The following MRC2 variants were observed in gnomAD, a reference collection of about 807,000 sequenced individuals.
MRC2 encodes the protein mannose receptor C-type 2.
A neutral mutation model predicts 206.2 loss-of-function variants in MRC2; 84 were observed. The observed-to-expected ratio is 0.41, with a 90% CI of 0.34 to 0.49. The LOEUF (loss-of-function observed/expected upper bound fraction) is 0.49, where lower values mean the gene tolerates loss of function less well. Among genes scored for constraint, MRC2 ranks in the 20% least tolerant of loss-of-function variants. The probability of loss-of-function intolerance (pLI) is 0.31; values close to 1 mark genes in which losing one functional copy is unlikely to be tolerated. For missense variants in MRC2, 1,676 were observed against 2,001.5 expected (o/e 0.84, Z 3.10); for synonymous variants, 798 against 800.0 (o/e 1.00, Z 0.04).
Position 62,692,740 on chromosome 17 carries a change from G to C in MRC2, c.*289G>C, listed in dbSNP as rs936132340. 1 of 390,612 alleles carries C rather than the reference G, an allele frequency of 2.6e-6. No individual in the cohort carries two copies. The highest frequency in any genetic ancestry group is 2.0e-5 in the African/African-American group (1 of 49,652). The allele number at this position is 390,612 out of a possible 1,614,324, so 24.2% of individuals were successfully genotyped here. On this transcript the variant is annotated 3_prime_UTR_variant, in exon 30 of 30. Transcript: ENST00000303375. This position sits in a 1 kb window ranked among gnomAD's most constrained non-coding sequence, Gnocchi z 4.2. The stretch of plus-strand genomic sequence containing the variant: ...CAGGAACCAGAGGTAGGATGGGAGG[G>C]GGAACGAGAGCCTCTTTCTCCCCAG...
Position 62,671,744 on chromosome 17 carries a change from G to C in MRC2, c.1213G>C (p.Glu405Gln), listed in dbSNP as rs374352748. Residue 405 changes from glutamate (E) to glutamine (Q), a missense_variant, in exon 7 of 30, where the codon GAG becomes CAG. Physicochemically the swap from Glu to Gln is conservative, Grantham distance 29. Coordinates refer to ENST00000303375, the MANE Select transcript of MRC2 (RefSeq NM_006039.5). This position sits in a 1 kb window ranked among gnomAD's most constrained non-coding sequence, Gnocchi z 4.5. ...GCAGGCCGAGAAGCGCAGCTGGCAG[G>C]AGTCCAAGAAGGCATGTCTACGGGG... Reference protein sequence around the residue: ...RLQAEKRSWQESKKACLRGGG... With the variant: ...RLQAEKRSWQQSKKACLRGGG... 1.2e-6 allele frequency: 2 copies of C among 1,613,386 alleles called. No homozygotes were observed. The highest frequency in any genetic ancestry group is 1.7e-6 in the Non-Finnish European group (2 of 1,179,720).
chr17:62,682,333 G>A lies in MRC2; in HGVS notation c.2902G>A (p.Ala968Thr). 2 of 1,607,100 alleles carry A rather than the reference G, an allele frequency of 1.2e-6. No individual in the cohort carries two copies. Among genetic ancestry groups the A allele is most frequent in the Non-Finnish European group, 1.7e-6 (2 of 1,177,256 alleles). The change falls in exon 20 of 30, where the codon GCC becomes ACC. Residue 968 changes from alanine (A) to threonine (T), a missense_variant. Physicochemically the swap from Ala to Thr is moderately conservative, Grantham distance 58. Around this residue, in one of 3 missense-constraint regions of MRC2, gnomAD observed 1,354 missense variants for 1,636.6 expected, o/e 0.83. Transcript: ENST00000303375. ...GCAGCCCCCAGACCTGCCAACTACA[G>A]CCCTGGGGGGCTGCCCCTCTGACTG... ...ETQPPDLPTTALGGCPSDWIQ... is the reference protein window; with the variant it reads ...ETQPPDLPTTTLGGCPSDWIQ...
In MRC2 at chr17:62,666,904, AG is replaced by A. The variant is rs2088764154; in HGVS notation, c.973+38del. The A allele has an allele frequency of 1.3e-6, 2 of 1,579,352 alleles. No homozygotes were observed. The highest frequency in any genetic ancestry group is 1.7e-6 in the Non-Finnish European group (2 of 1,150,484). ...CAAGGTTGGGGGCGCAGGGCAGCAT[AG>A]GGGCCCCGCGGGCTCTTGGCCTCCC... On this transcript the variant is annotated intron_variant, in intron 5 of 29. Transcript: ENST00000303375. The surrounding 1 kb of genome is among the most constrained non-coding windows in gnomAD (Gnocchi z 5.0).
At chr17:62,678,155 G>A (rs1231877534) in intron 12 of MRC2, among the ~76,000 whole-genome samples, 3 of 152,332 alleles carry the variant, frequency 2.0e-5, no homozygotes, top group South Asian at 2.1e-4. Flanking sequence ...TTTTAATCAC[G>A]CTAGGTTTGG....
chr17:62,682,678 G>GTGAAGGAGTT (rs1258923958), intron 20 of MRC2, among the ~76,000 whole-genome samples: 12 of 141,158 alleles, frequency 8.5e-5, no homozygotes, highest in Admixed American at 8.1e-4. Flanking sequence ...TTTCACTCTT[G>GTGAAGGAGTT]TCACCCAGGC....
At position 62,691,079 on chromosome 17, in the gene MRC2, C is replaced by T. The variant is rs775401467; in HGVS notation, c.4143C>T (p.Pro1381=). 28 of 1,609,656 alleles carry T rather than the reference C, an allele frequency of 1.7e-5. No individual in the cohort carries two copies. Among genetic ancestry groups the T allele is most frequent in the South Asian group, 3.3e-5 (3 of 90,490 alleles). Residue 1381 remains proline (P), a synonymous_variant, in exon 28 of 30, where the codon CCC becomes CCT. Transcript: ENST00000303375. Reference sequence around the variant, plus strand: ...AGAGCAACAGCGGGCTATGGCGCCCCGGCGCTTGCACCAACATCACCATGG... The same window carrying T: ...AGAGCAACAGCGGGCTATGGCGCCCTGGCGCTTGCACCAACATCACCATGG... ...WIQSNSGLWR[P]GACTNITMGV...
chr17:62,664,620 T>C lies in MRC2; in HGVS notation c.191T>C (p.Val64Ala). The change falls in exon 2 of 30, where the codon GTC becomes GCC. Residue 64 changes from valine to alanine, a missense_variant. Val to Ala is a moderately conservative substitution (Grantham distance 64). Around this residue, in one of 3 missense-constraint regions of MRC2, gnomAD observed 318 missense variants for 346.7 expected, o/e 0.92. Transcript: ENST00000303375. The surrounding 1 kb of genome is among the most constrained non-coding windows in gnomAD (Gnocchi z 4.7). ...GAGGCCCAGGGCGGGCAGGTCAGAGTCACCCCGGCTTGCAATACCAGCCTC... is the reference window on the plus strand; with the variant it reads ...GAGGCCCAGGGCGGGCAGGTCAGAGCCACCCCGGCTTGCAATACCAGCCTC... Reference protein sequence around the residue: ...CLEAQGGQVRVTPACNTSLPA... With the variant: ...CLEAQGGQVRATPACNTSLPA... The C allele has an allele frequency of 6.2e-7, 1 of 1,613,334 alleles. No individual in the cohort carries two copies.
intron 1 of MRC2, among the ~76,000 whole-genome samples, chr17:62,634,697 T>C (rs979969489): frequency 2.6e-5 from 4 of 152,212 alleles, no homozygotes; most frequent in African/African-American, 9.6e-5. Flanking sequence ...CTGTGTCTTG[T>C]GTTGACCTCC....
In MRC2 at chr17:62,680,147, T is replaced by C. The variant is rs2088944586; in HGVS notation, c.2299-23T>C. The C allele has an allele frequency of 2.5e-6, 4 of 1,613,796 alleles. No homozygotes were observed. Among genetic ancestry groups the C allele is most frequent in the Middle Eastern group, 1.6e-4 (1 of 6,074 alleles). On this transcript the variant is annotated intron_variant, in intron 14 of 29. Transcript: ENST00000303375. This position sits in a 1 kb window ranked among gnomAD's most constrained non-coding sequence, Gnocchi z 4.8. ...CTGCACCTTGCGCCTCACGTTCCTC[T>C]TCCCTCCACCCGCCTCCTCCAGTTC...
At chr17:62,643,359 G>T (rs1382225008) in intron 1 of MRC2, among the ~76,000 whole-genome samples, 1 of 143,794 alleles carries the variant, frequency 7.0e-6, no homozygotes, top group Non-Finnish European at 1.5e-5. Context: ...AAAAAGAAAA[G>T]AAAAAAGAAA....
chr17:62,660,816 C>T (rs2088670950), intron 1 of MRC2, among the ~76,000 whole-genome samples: 2 of 152,120 alleles, frequency 1.3e-5, no homozygotes, highest in African/African-American at 4.8e-5. Flanking sequence ...ACATTATCCA[C>T]AATGTCCAGC....
intron 20 of MRC2, among the ~76,000 whole-genome samples, chr17:62,685,208 C>T (rs1440777792): frequency 6.6e-6 from 1 of 151,936 alleles, no homozygotes; most frequent in African/African-American, 2.4e-5. Context: ...AAAATTAAGG[C>T]ATGTATATTA....
chr17:62,676,468 G>A lies in MRC2; in HGVS notation c.1771G>A (p.Gly591Ser), dbSNP rs377280920. 13 of 1,613,240 alleles carry A rather than the reference G, an allele frequency of 8.1e-6. No homozygotes were observed. Among genetic ancestry groups the A allele is most frequent in the Non-Finnish European group, 1.1e-5 (13 of 1,179,620 alleles). The change falls in exon 11 of 30, where the codon GGC (glycine) becomes AGC (serine). Residue 591 changes from glycine (G) to serine (S), a missense_variant. Coordinates refer to ENST00000303375, the MANE Select transcript of MRC2 (RefSeq NM_006039.5). ...GGCCCTGCAGGACCTCAACAGCACC[G>A]GCTCCTTCTTCTGGCTCAGTGGGGA... ...WTALQDLNST[G>S]SFFWLSGDEV...
intron 1 of MRC2, among the ~76,000 whole-genome samples, chr17:62,637,940 C>T (rs1449815171): frequency 6.6e-6 from 1 of 152,170 alleles, no homozygotes; most frequent in Admixed American, 6.5e-5. Context: ...ATGGCACTCA[C>T]GGGAGCCTCG....
chr17:62,632,401 C>T (rs188089791), intron 1 of MRC2, among the ~76,000 whole-genome samples: 101 of 152,302 alleles, frequency 6.6e-4, no homozygotes, highest in South Asian at 4.1e-4. Context: ...CTTCCACCTG[C>T]GCTCTGCTCC....
At chr17:62,650,764 G>T (rs1194420909) in intron 1 of MRC2, among the ~76,000 whole-genome samples, 2 of 152,206 alleles carry the variant, frequency 1.3e-5, no homozygotes, top group Non-Finnish European at 2.9e-5. Flanking sequence ...CTTTTTACAA[G>T]CGCAGGGTGA....
intron 20 of MRC2, among the ~76,000 whole-genome samples, chr17:62,684,504 C>G (rs1363944848): frequency 6.6e-6 from 1 of 152,184 alleles, no homozygotes; most frequent in Non-Finnish European, 1.5e-5. Flanking sequence ...CACGTTTTTA[C>G]AACACCCCCT....
At chr17:62,639,374 G>A (rs981436627) in intron 1 of MRC2, among the ~76,000 whole-genome samples, 1 of 152,034 alleles carries the variant, frequency 6.6e-6, no homozygotes, top group Non-Finnish European at 1.5e-5. Flanking sequence ...AAAGTGCAAG[G>A]ATCACTGGAA....
In MRC2 at chr17:62,671,693, C is replaced by G. The variant is rs1388345464; in HGVS notation, c.1162C>G (p.Pro388Ala). ...GGTGGAGTGCGAGCCGAGCTGGCAG[C>G]CCTTCCAGGGCCACTGCTACCGCCT... ...VKVECEPSWQPFQGHCYRLQA... is the reference protein window; with the variant it reads ...VKVECEPSWQAFQGHCYRLQA... Residue 388 changes from proline (P) to alanine (A), a missense_variant, in exon 7 of 30, where the codon CCC becomes GCC. Coordinates refer to ENST00000303375, the MANE Select transcript of MRC2 (RefSeq NM_006039.5). This position sits in a 1 kb window ranked among gnomAD's most constrained non-coding sequence, Gnocchi z 4.5. 1 of 1,607,766 alleles carries G rather than the reference C, an allele frequency of 6.2e-7. No homozygotes were observed. The highest frequency in any genetic ancestry group is 8.5e-7 in the Non-Finnish European group (1 of 1,176,822).
Sources: allele counts gnomAD v4.1 joint callset (sites outside exome capture counted in the v4.1 genomes callset), GRCh38; gene constraint gnomAD v4.1.1; regional missense constraint gnomAD v4.1.1; non-coding constraint Gnocchi (gnomAD v3.1); transcripts MANE v1.5; gene names NCBI Gene and HGNC (gene_info 2026-07-23, HGNC 2026-07-21).